The following BCKDHB variants were observed in gnomAD, a reference collection of about 807,000 sequenced individuals.
BCKDHB encodes branched chain keto acid dehydrogenase E1 subunit beta.
Under a neutral mutation model 48.5 loss-of-function variants are expected in BCKDHB, and 41 were observed. The observed-to-expected ratio is 0.85, with a 90% CI of 0.66 to 1.10. The LOEUF (loss-of-function observed/expected upper bound fraction) is 1.10, where lower values mean the gene tolerates loss of function less well. Among genes scored for constraint, BCKDHB ranks in the 50% least tolerant of loss-of-function variants. The pLI is 0.00. For synonymous variants in BCKDHB, 201 were observed against 174.8 expected (o/e 1.15, Z -1.18); for missense variants, 496 against 494.2 (o/e 1.00, Z -0.03).
intron 9 of BCKDHB, chr6:80,307,978 CTG>C (rs1291679007): frequency 2.0e-5 from 18 of 922,570 alleles, no homozygotes; most frequent in Non-Finnish European, 2.2e-5. Context: ...ATGCCAGATA[CTG>C]CAAAGAATTC....
intron 8 of BCKDHB, among the ~76,000 whole-genome samples, chr6:80,241,750 A>G (rs1383874847): frequency 6.6e-6 from 1 of 152,180 alleles, no homozygotes; most frequent in African/African-American, 2.4e-5. Context: ...TAGTTGTACC[A>G]TTTACACGCT....
intron 6 of BCKDHB, among the ~76,000 whole-genome samples, chr6:80,197,045 T>C (rs1239395394): frequency 6.6e-6 from 1 of 152,148 alleles, no homozygotes; most frequent in Non-Finnish European, 1.5e-5. Context: ...AATAGAGCGG[T>C]GTCAGTTAGT....
chr6:80,361,364 C>T, the BCKDHB span, among the ~76,000 whole-genome samples: 1 of 152,194 alleles, frequency 6.6e-6, no homozygotes, highest in East Asian at 1.9e-4. Context: ...TGCAGGTGCA[C>T]TGCATGTGGA....
intron 9 of BCKDHB, among the ~76,000 whole-genome samples, chr6:80,317,297 T>G (rs1296294129): frequency 6.6e-6 from 1 of 152,220 alleles, no homozygotes. Context: ...CTTACAGTTC[T>G]GTAGGTTTAG....
intron 8 of BCKDHB, among the ~76,000 whole-genome samples, chr6:80,237,249 T>C (rs957861175): frequency 6.6e-6 from 1 of 152,186 alleles, no homozygotes; most frequent in Non-Finnish European, 1.5e-5. Flanking sequence ...AATGAGCATT[T>C]TTCTATCAGG....
At chr6:80,220,304 G>GT (rs56967096) in intron 8 of BCKDHB, among the ~76,000 whole-genome samples, 20,421 of 60,754 alleles carry the variant, frequency 0.34, 4,206 homozygotes, top group South Asian at 0.43. Context: ...CATGCTATTT[G>GT]TTTTTTTTTT....
rs115837324 is a variant in BCKDHB at position 80,261,313 on chromosome 6, A to G, written c.952-11822A>G. 9.0e-3 allele frequency among the ~76,000 whole-genome samples: 1,375 copies of G among 152,200 alleles called. 22 individuals carry two copies. The highest frequency in any genetic ancestry group is 0.031 in the African/African-American group (1,296 of 41,518). ...GGAAGGATAGGAGGAAAGCACGTCC[A>G]TGCTCTCCAGCAGTGGTCCTTGGCT... On this transcript the variant is annotated intron_variant, in intron 8 of 9. Transcript: ENST00000320393.
chr6:80,202,928 G>T (rs1774463404), intron 7 of BCKDHB, among the ~76,000 whole-genome samples, 174 bp from the exon 8 acceptor site: 2 of 151,838 alleles, frequency 1.3e-5, no homozygotes, highest in Admixed American at 6.6e-5. Flanking sequence ...ATCTATACTT[G>T]TTATTTTCGC....
intron 6 of BCKDHB, among the ~76,000 whole-genome samples, chr6:80,194,528 A>G (rs1004041811): frequency 3.3e-5 from 5 of 152,260 alleles, no homozygotes; most frequent in African/African-American, 1.2e-4. Context: ...TGGGGAAGAC[A>G]GTTCCTTTGT....
chr6:80,315,552 C>G (rs544403280), intron 9 of BCKDHB, among the ~76,000 whole-genome samples: 1 of 151,746 alleles, frequency 6.6e-6, no homozygotes, highest in Non-Finnish European at 1.5e-5. Flanking sequence ...GTGAGTGCCA[C>G]GCACTACAGT....
intron 8 of BCKDHB, among the ~76,000 whole-genome samples, chr6:80,269,324 C>G (rs916787912): frequency 6.6e-6 from 1 of 152,126 alleles, no homozygotes; most frequent in Non-Finnish European, 1.5e-5. Context: ...TAGTATGCCA[C>G]TAATGCTCTG....
chr6:80,128,543 C>T (rs1197963226), intron 2 of BCKDHB, among the ~76,000 whole-genome samples: 1 of 152,084 alleles, frequency 6.6e-6, no homozygotes, highest in Non-Finnish European at 1.5e-5. Context: ...TCGTGCTTGC[C>T]TCCTTTCTGC....
intron 8 of BCKDHB, among the ~76,000 whole-genome samples, chr6:80,230,140 G>A (rs1435110681): frequency 3.0e-5 from 4 of 131,498 alleles, no homozygotes; most frequent in African/African-American, 1.1e-4. Context: ...TTGGGTTCAT[G>A]CCATTCTCCT....
At chr6:80,327,212 A>G (rs1360397910) in intron 9 of BCKDHB, among the ~76,000 whole-genome samples, 1 of 152,186 alleles carries the variant, frequency 6.6e-6, no homozygotes, top group Non-Finnish European at 1.5e-5. Context: ...CTAACCTGTA[A>G]CTTAGCCTTG....
At chr6:80,464,131 T>A in the BCKDHB span, among the ~76,000 whole-genome samples, 1 of 151,996 alleles carries the variant, frequency 6.6e-6, no homozygotes, top group South Asian at 2.1e-4. Flanking sequence ...TCTTTATTAT[T>A]ATTATTATTC....
At chr6:80,299,758 A>T (rs1322235787) in intron 9 of BCKDHB, among the ~76,000 whole-genome samples, 1 of 152,228 alleles carries the variant, frequency 6.6e-6, no homozygotes, top group African/African-American at 2.4e-5. Flanking sequence ...ACGAAAACAT[A>T]TAAGTATATA....
the BCKDHB span, among the ~76,000 whole-genome samples, chr6:80,409,502 T>C: frequency 6.9e-6 from 1 of 145,334 alleles, no homozygotes; most frequent in East Asian, 2.1e-4. Flanking sequence ...CGTCATTATT[T>C]TGTGGGAGTC....
chr6:80,389,571 A>C, the BCKDHB span, among the ~76,000 whole-genome samples: 20 of 152,290 alleles, frequency 1.3e-4, no homozygotes, highest in Non-Finnish European at 2.6e-4. Context: ...TTTATCCACC[A>C]TCATGGTGTT....
intron 8 of BCKDHB, among the ~76,000 whole-genome samples, chr6:80,257,435 T>TATATAG (rs1346017262): frequency 4.2e-4 from 2 of 4,736 alleles, no homozygotes; most frequent in Admixed American, 4.8e-3. Flanking sequence ...TAAAGATACA[T>TATATAG]ATATATATAT....
Sources: gnomAD v4.1 joint callset for allele counts (sites outside exome capture counted in the v4.1 genomes callset) on GRCh38, gnomAD v4.1.1 for gene constraint, MANE v1.5 for transcripts, NCBI Gene and HGNC (gene_info 2026-07-23, HGNC 2026-07-21) for gene names.